Variants in NACC2 observed in about 807,000 individuals in gnomAD.
NACC2 encodes NACC family member 2.
A neutral mutation model predicts 25.1 loss-of-function variants in NACC2; 8 were observed. The observed-to-expected ratio is 0.32, with a 90% CI of 0.19 to 0.57. The LOEUF (loss-of-function observed/expected upper bound fraction) is 0.57, where lower values mean the gene tolerates loss of function less well. NACC2 is among the 20% of genes least tolerant of loss of function. The pLI, the probability that NACC2 is intolerant of heterozygous loss-of-function variation, is 0.89. For missense variants in NACC2, 644 were observed against 650.2 expected, an observed-to-expected ratio of 0.99 and a Z score of 0.10; for synonymous variants, 435 against 294.7, an observed-to-expected ratio of 1.48 and a Z score of -4.88.
At chr9:136,049,610 TGTG>T (rs1840784432) in intron 2 of NACC2, 23 bp downstream of exon 2, 1 of 763,774 alleles carries the variant, frequency 1.3e-6, no homozygotes, top group African/African-American at 1.7e-5. Flanking sequence ...AGCCAGGTGG[TGTG>T]GGGCTCCACC....
At chr9:136,032,350 G>C (rs1009753338) in intron 2 of NACC2, among the ~76,000 whole-genome samples, 2 of 152,158 alleles carry the variant, frequency 1.3e-5, no homozygotes, top group African/African-American at 4.8e-5. Flanking sequence ...AATGCTTAGA[G>C]AAAGCTTTTG....
chr9:136,016,451 G>A, intron 2 of NACC2, 22 bp from the exon 3 acceptor site: 2 of 1,610,030 alleles, frequency 1.2e-6, no homozygotes, highest in South Asian at 2.2e-5. Flanking sequence ...GAACCAACCT[G>A]GTCAGATGGG....
intron 1 of NACC2, among the ~76,000 whole-genome samples, chr9:136,076,838 C>T (rs895012585): frequency 2.0e-5 from 3 of 152,084 alleles, no homozygotes; most frequent in Non-Finnish European, 4.4e-5. Context: ...GAAACCCCTT[C>T]TCTACTAAAA....
chr9:136,079,966 G>T (rs972596724), intron 1 of NACC2, among the ~76,000 whole-genome samples: 1 of 152,234 alleles, frequency 6.6e-6, no homozygotes, highest in South Asian at 2.1e-4. Flanking sequence ...GGCCCTCCTG[G>T]AGAGCTACAG....
intron 2 of NACC2, among the ~76,000 whole-genome samples, chr9:136,048,221 G>A (rs1840758369): frequency 6.6e-6 from 1 of 152,200 alleles, no homozygotes; most frequent in South Asian, 2.1e-4. Context: ...GCCCTGGGTG[G>A]GCCTTGGGAG....
At chr9:136,067,330 T>A (rs1841097236) in intron 1 of NACC2, among the ~76,000 whole-genome samples, 1 of 147,982 alleles carries the variant, frequency 6.8e-6, no homozygotes, top group African/African-American at 2.5e-5. Context: ...GGGGGAGGGA[T>A]GGGGAAATGA....
At chr9:136,093,627 G>A (rs900734574) in intron 1 of NACC2, among the ~76,000 whole-genome samples, 1 of 152,234 alleles carries the variant, frequency 6.6e-6, no homozygotes, top group African/African-American at 2.4e-5. Flanking sequence ...AAAGGACAGG[G>A]GGCCACCACC....
intron 2 of NACC2, among the ~76,000 whole-genome samples, chr9:136,023,145 C>T (rs1409983090): frequency 2.6e-4 from 28 of 106,544 alleles, no homozygotes; most frequent in Middle Eastern, 5.0e-3. Flanking sequence ...AGGACCTGTA[C>T]GCATATCCTG....
intron 2 of NACC2, among the ~76,000 whole-genome samples, chr9:136,030,371 AG>A (rs1413911600): frequency 6.6e-6 from 1 of 152,088 alleles, no homozygotes; most frequent in Non-Finnish European, 1.5e-5. Context: ...GCACTTTGCG[AG>A]GCCAAGGCAG....
At chr9:136,062,154 G>A (rs1432372406) in intron 1 of NACC2, among the ~76,000 whole-genome samples, 2 of 151,426 alleles carry the variant, frequency 1.3e-5, no homozygotes, top group Non-Finnish European at 2.9e-5. Context: ...GGACAGGACA[G>A]GACAGGACAG....
intron 1 of NACC2, among the ~76,000 whole-genome samples, chr9:136,053,812 G>C (rs1840884733): frequency 6.6e-6 from 1 of 152,230 alleles, no homozygotes; most frequent in Admixed American, 6.5e-5. Flanking sequence ...AGAGGGGACA[G>C]GCAGAGGCCA....
chr9:136,082,999 C>G (rs984976083), intron 1 of NACC2, among the ~76,000 whole-genome samples: 2 of 151,778 alleles, frequency 1.3e-5, no homozygotes, highest in East Asian at 3.9e-4. Flanking sequence ...GCTGTCATAA[C>G]TTCTGCCCCA....
chr9:136,057,249 A>G (rs1181660229), intron 1 of NACC2, among the ~76,000 whole-genome samples: 1 of 152,214 alleles, frequency 6.6e-6, no homozygotes, highest in Non-Finnish European at 1.5e-5. Flanking sequence ...CCTGGCCACC[A>G]ACACGCTCAT....
rs1282637931 is a variant in NACC2 at position 136,013,469 on chromosome 9, G to T, written c.1158-173C>A. ...GCCACCCTCTAAGGGACAGGACAAAGGAAAAGCGTCTGGGCTGAGAAGATG... is the reference window on the plus strand; with the variant it reads ...GCCACCCTCTAAGGGACAGGACAAATGAAAAGCGTCTGGGCTGAGAAGATG... On this transcript the variant is annotated intron_variant, in intron 4 of 5. Transcript: ENST00000277554. This position sits in a 1 kb window ranked among gnomAD's most constrained non-coding sequence, Gnocchi z 6.6. Among the ~76,000 whole-genome samples, 3 of 152,242 alleles carry T rather than the reference G, an allele frequency of 2.0e-5. No individual in the cohort carries two copies. The highest frequency in any genetic ancestry group is 4.4e-5 in the Non-Finnish European group (3 of 68,044).
chr9:136,013,998 G>A lies in NACC2; in HGVS notation c.1052-29C>T, dbSNP rs373855199. The A allele has an allele frequency of 2.8e-5, 45 of 1,593,062 alleles. No homozygotes were observed. In the African/African-American group the frequency reaches 3.4e-4, roughly 12 times the overall value. ...CAGCCACCAAACAGAAAAAGGGCTC[G>A]TGGCCTTCCCGGGCCATAGGGTCCG... On this transcript the variant is annotated intron_variant, in intron 3 of 5. Coordinates refer to ENST00000277554, the MANE Select transcript of NACC2 (RefSeq NM_144653.5). This position sits in a 1 kb window ranked among gnomAD's most constrained non-coding sequence, Gnocchi z 6.6.
intron 2 of NACC2, among the ~76,000 whole-genome samples, chr9:136,017,614 CCT>C (rs1840222668): frequency 6.6e-6 from 1 of 152,148 alleles, no homozygotes; most frequent in Non-Finnish European, 1.5e-5. Context: ...GATCAGCTCC[CCT>C]GAGCGGGCCC....
chr9:136,015,424 C>T (rs973142446), intron 3 of NACC2, among the ~76,000 whole-genome samples: 3 of 152,234 alleles, frequency 2.0e-5, no homozygotes, highest in Admixed American at 6.5e-5. Context: ...CTGCCAGGTG[C>T]AGCCCAGGAG....
At chr9:136,036,846 A>G (rs1342512941) in intron 2 of NACC2, among the ~76,000 whole-genome samples, 1 of 152,258 alleles carries the variant, frequency 6.6e-6, no homozygotes, top group Non-Finnish European at 1.5e-5. Flanking sequence ...TAATTTTTAA[A>G]ATCCCAAATT....
At chr9:136,028,341 A>C (rs932660597) in intron 2 of NACC2, among the ~76,000 whole-genome samples, 2 of 149,828 alleles carry the variant, frequency 1.3e-5, no homozygotes, top group African/African-American at 4.9e-5. Flanking sequence ...GACCACATGT[A>C]CTTTCTGCCA....
Sources: allele counts gnomAD v4.1 joint callset (sites outside exome capture counted in the v4.1 genomes callset), GRCh38; gene constraint gnomAD v4.1.1; non-coding constraint Gnocchi (gnomAD v3.1); transcripts MANE v1.5; gene names NCBI Gene and HGNC (gene_info 2026-07-23, HGNC 2026-07-21).